Variants in CCDC136 observed in about 807,000 individuals in gnomAD.
CCDC136 encodes coiled-coil domain-containing protein 136.
CCDC136 carries 100 observed loss-of-function variants against 141.2 expected under a neutral mutation model. The ratio of observed to expected loss-of-function variants is 0.71; its 90% CI spans 0.60 to 0.84. The LOEUF is 0.84. CCDC136 is among the 40% of genes least tolerant of loss of function. CCDC136 has a pLI of 0.00. For synonymous variants in CCDC136, 474 were observed against 531.9 expected, an observed-to-expected ratio of 0.89 and a Z score of 1.50; for missense variants, 1,206 against 1,379.4, an observed-to-expected ratio of 0.87 and a Z score of 1.99.
intron 4 of CCDC136, 25 bp from the exon 5 acceptor site, chr7:128,804,625 A>T (rs927345117): frequency 7.1e-5 from 102 of 1,431,878 alleles, no homozygotes; most frequent in Non-Finnish European, 9.6e-5. Flanking sequence ...TCCCGGTCTC[A>T]TCTCTCTCTG....
intron 17 of CCDC136, among the ~76,000 whole-genome samples, chr7:128,820,344 C>A (rs1384005316): frequency 1.3e-5 from 2 of 152,242 alleles, no homozygotes; most frequent in Non-Finnish European, 2.9e-5. Context: ...AAACATGATT[C>A]CGGTGATTTG....
chr7:128,796,739 A>ATATATATATTTT, intron 3 of CCDC136, among the ~76,000 whole-genome samples: 1 of 113,382 alleles, frequency 8.8e-6, no homozygotes, highest in African/African-American at 4.6e-5. Context: ...ATATATATAT[A>ATATATATATTTT]TTCTTTTTTT....
At chr7:128,792,570 C>G (rs1802344321) in intron 1 of CCDC136, 143 bp downstream of exon 1, 1 of 627,616 alleles carries the variant, frequency 1.6e-6, no homozygotes, top group South Asian at 2.2e-5. Flanking sequence ...CAGCTCAGAG[C>G]TCCAGCCCTT....
intron 16 of CCDC136, among the ~76,000 whole-genome samples, chr7:128,816,732 T>C (rs1806692022): frequency 6.6e-6 from 1 of 152,234 alleles, no homozygotes; most frequent in Non-Finnish European, 1.5e-5. Flanking sequence ...AACTCAGGGC[T>C]CAGAGTCCCT....
intron 14 of CCDC136, among the ~76,000 whole-genome samples, chr7:128,814,378 G>A (rs1352541824): frequency 6.6e-6 from 1 of 152,158 alleles, no homozygotes; most frequent in Non-Finnish European, 1.5e-5. Flanking sequence ...TGGCAAGTGA[G>A]CCGCTGCGCC....
Position 128,801,242 on chromosome 7 carries a change from G to A in CCDC136, c.403G>A (p.Glu135Lys), listed in dbSNP as rs544460110. Residue 135 changes from glutamate to lysine, a missense_variant, in exon 4 of 18, where the codon GAA becomes AAA. Glu to Lys is a moderately conservative substitution (Grantham distance 56). Transcript: ENST00000297788. Reference sequence around the variant, plus strand: ...CCTGTTAGAGCATGAGAAAGAAAGCGAACTTAAGGAAATAGAACAGGAATT... The same window carrying A: ...CCTGTTAGAGCATGAGAAAGAAAGCAAACTTAAGGAAATAGAACAGGAATT... ...ISLLEHEKES[E>K]LKEIEQELHL... 4.6e-5 allele frequency: 75 copies of A among 1,613,874 alleles called. 1 individual carries two copies. The South Asian group carries it at 5.1e-4, about 11-fold the overall frequency.
At chr7:128,804,559 G>T in intron 4 of CCDC136, 91 bp from the exon 5 acceptor site, 1 of 744,264 alleles carries the variant, frequency 1.3e-6, no homozygotes, top group Non-Finnish European at 2.3e-6. Flanking sequence ...TTAACCTTCT[G>T]CTCTCAGGTT....
At position 128,801,401 on chromosome 7, in the gene CCDC136, A is replaced by T. The variant is rs1247051827; in HGVS notation, c.562A>T (p.Ile188Phe). 1 of 1,613,498 alleles carries T rather than the reference A, an allele frequency of 6.2e-7. No individual in the cohort carries two copies. The highest frequency in any genetic ancestry group is 1.3e-5 in the African/African-American group (1 of 75,042). The change falls in exon 4 of 18, where the codon ATT (isoleucine) becomes TTT (phenylalanine). Residue 188 changes from isoleucine to phenylalanine, a missense_variant. Physicochemically the swap from Ile to Phe is conservative, Grantham distance 21. Coordinates refer to ENST00000297788, the MANE Select transcript of CCDC136 (RefSeq NM_022742.5). ...MQNELEDMER[I>F]RGDYEMEIAS... ...GAATGAACTTGAAGACATGGAACGC[A>T]TTCGGGGAGATTATGAGATGGAGAT... is the stretch of plus-strand genomic sequence containing the variant.
In CCDC136 at chr7:128,805,803, C is replaced by T. The variant is rs1804740285; in HGVS notation, c.991C>T (p.Arg331Cys). ...CCELEELQHHRQVSEEEQRRL... is the reference protein window; with the variant it reads ...CCELEELQHHCQVSEEEQRRL... ...TGAGTTGGAAGAGCTACAGCATCAT[C>T]GCCAGGTCAGTGAGGAGGAGCAGAG... is the stretch of plus-strand genomic sequence containing the variant. The change falls in exon 7 of 18, where the codon CGC becomes TGC. Residue 331 changes from arginine (R) to cysteine (C), a missense_variant. Coordinates refer to ENST00000297788, the MANE Select transcript of CCDC136 (RefSeq NM_022742.5). The surrounding 1 kb of genome is among the most constrained non-coding windows in gnomAD (Gnocchi z 4.6). 5.0e-6 allele frequency: 8 copies of T among 1,613,430 alleles called. No individual in the cohort carries two copies. The highest frequency in any genetic ancestry group is 1.1e-5 in the South Asian group (1 of 90,962).
rs866728062 is a variant in CCDC136, at chr7:128,803,242, A to G, written c.671-1408A>G. On this transcript the variant is annotated intron_variant, in intron 4 of 17. Transcript: ENST00000297788. The stretch of plus-strand genomic sequence containing the variant: ...GCTGGTCTCGAACTCCTGGGCTCTA[A>G]TGATCCTTCTACCTTGGCCTTCCAA... Among the ~76,000 whole-genome samples the G allele has an allele frequency of 9.9e-5, 15 of 152,180 alleles. 1 individual carries two copies. The highest frequency in any genetic ancestry group is 8.3e-4 in the South Asian group (4 of 4,822).
intron 4 of CCDC136, among the ~76,000 whole-genome samples, chr7:128,803,417 G>A (rs531006224): frequency 2.8e-4 from 42 of 152,196 alleles, no homozygotes; most frequent in Admixed American, 5.2e-4. Flanking sequence ...TTGGGAGGCC[G>A]AGGCAGGTGG....
At chr7:128,791,569 G>A, upstream of CCDC136, 1 of 1,247,986 alleles carries the variant, frequency 8.0e-7, no homozygotes, top group Non-Finnish European at 1.0e-6. This position sits in a 1 kb window ranked among gnomAD's most constrained non-coding sequence, Gnocchi z 7.1. Context: ...CCGCCCCTCC[G>A]TCACCTGTCT....
In CCDC136 at chr7:128,799,172, T is replaced by TAAAAAA. The variant is rs35342890; in HGVS notation, c.347-1994_347-1989dup. ...CAGAAAGAGACCCCCATCTCTACATTAAAAAAAAAAAAAAAAAAAAAAAAA... is the reference window on the plus strand; with the variant it reads ...CAGAAAGAGACCCCCATCTCTACATTAAAAAAAAAAAAAAAAAAAAAAAAAAAAAAA... On this transcript the variant is annotated intron_variant, in intron 3 of 17. Transcript: ENST00000297788. Among the ~76,000 whole-genome samples the TAAAAAA allele has an allele frequency of 3.5e-4, 18 of 51,326 alleles. 1 individual carries two copies. Among genetic ancestry groups the TAAAAAA allele is most frequent in the African/African-American group, 1.8e-3 (18 of 10,008 alleles). 33.7% of individuals were successfully genotyped at this position (51,326 alleles called of 152,430 possible). A position where few individuals can be genotyped will look rare whatever the true frequency, so the allele number is the denominator to read the frequency against.
In CCDC136 at chr7:128,806,762, ACGG is replaced by A; in HGVS notation, c.1325_1327del (p.Arg442del). The A allele has an allele frequency of 1.2e-6, 2 of 1,611,556 alleles. No individual in the cohort carries two copies. The highest frequency in any genetic ancestry group is 1.7e-6 in the Non-Finnish European group (2 of 1,179,386). The stretch of plus-strand genomic sequence containing the variant: ...CATGTGAGAAGGAAAAGCTGCTGGA[ACGG>A]CAGCAGCAGCTGCAGGAGGAGCTGC... On this transcript the variant is annotated inframe_deletion, in exon 9 of 18. Coordinates refer to ENST00000297788, the MANE Select transcript of CCDC136 (RefSeq NM_022742.5).
intron 3 of CCDC136, 96 bp from the exon 4 acceptor site, chr7:128,801,090 A>C: frequency 2.4e-6 from 2 of 844,746 alleles, no homozygotes; most frequent in South Asian, 3.5e-5. Flanking sequence ...AGGACTTTGC[A>C]GACAAGAAAT....
intron 14 of CCDC136, among the ~76,000 whole-genome samples, chr7:128,813,384 T>C: frequency 6.6e-6 from 1 of 152,118 alleles, no homozygotes; most frequent in East Asian, 1.9e-4. Flanking sequence ...GGGACAGAAG[T>C]CTTGTCTCTG....
chr7:128,806,715 C>T lies in CCDC136; in HGVS notation c.1276C>T (p.His426Tyr). ...GTTACTGTGCCGGCTGCAGAAGCTGCACCTCCAGCACCAGAACGTCACATG... is the reference window on the plus strand; with the variant it reads ...GTTACTGTGCCGGCTGCAGAAGCTGTACCTCCAGCACCAGAACGTCACATG... Reference protein sequence around the residue: ...KELLCRLQKLHLQHQNVTCEK... With the variant: ...KELLCRLQKLYLQHQNVTCEK... The change falls in exon 9 of 18, where the codon CAC becomes TAC. Residue 426 changes from histidine (H) to tyrosine (Y), a missense_variant. His to Tyr is a moderately conservative substitution (Grantham distance 83). Coordinates refer to ENST00000297788, the MANE Select transcript of CCDC136 (RefSeq NM_022742.5). 3 of 1,610,826 alleles carry T rather than the reference C, an allele frequency of 1.9e-6. No individual in the cohort carries two copies. Among genetic ancestry groups the T allele is most frequent in the Non-Finnish European group, 1.7e-6 (2 of 1,179,286 alleles).
chr7:128,819,160 A>G (rs1004958019), intron 17 of CCDC136, among the ~76,000 whole-genome samples: 10 of 152,226 alleles, frequency 6.6e-5, no homozygotes, highest in Non-Finnish European at 1.5e-5. Context: ...GTGAAACCCA[A>G]AGAGTTCAGC....
At chr7:128,797,603 G>T (rs970403153) in intron 3 of CCDC136, among the ~76,000 whole-genome samples, 1 of 152,220 alleles carries the variant, frequency 6.6e-6, no homozygotes, top group African/African-American at 2.4e-5. Context: ...TTTGGCAAGA[G>T]AGAGGACCCT....
Sources: allele counts gnomAD v4.1 joint callset (sites outside exome capture counted in the v4.1 genomes callset), GRCh38; gene constraint gnomAD v4.1.1; non-coding constraint Gnocchi (gnomAD v3.1); transcripts MANE v1.5; gene names NCBI Gene and HGNC (gene_info 2026-07-23, HGNC 2026-07-21).